The following CR1 variants were observed in gnomAD, a reference collection of about 807,000 sequenced individuals.
The protein encoded by CR1 is complement C3b/C4b receptor 1 (Knops blood group).
In CR1, 116 loss-of-function variants were observed where a neutral mutation model predicts 187.3. That is an observed-to-expected ratio of 0.62 (90% CI 0.53 to 0.72). The LOEUF is 0.72. Ranked by LOEUF, CR1 falls within the 30% of genes least tolerant of loss-of-function variation. The probability of loss-of-function intolerance (pLI) is 0.00; values close to 1 mark genes in which losing one functional copy is unlikely to be tolerated. For synonymous variants in CR1, 576 were observed against 747.1 expected (o/e 0.77, Z 3.73); for missense variants, 1,731 against 2,110.7 (o/e 0.82, Z 3.52).
chr1:207,504,964 T>C (rs375166212), intron 1 of CR1, among the ~76,000 whole-genome samples: 8 of 152,232 alleles, frequency 5.3e-5, no homozygotes, highest in African/African-American at 1.7e-4. Context: ...AGAAACCCTA[T>C]TGTGAACTGT....
At chr1:207,597,097 C>T (rs984581518) in intron 35 of CR1, among the ~76,000 whole-genome samples, 6 of 147,800 alleles carry the variant, frequency 4.1e-5, no homozygotes, top group Non-Finnish European at 7.4e-5. Flanking sequence ...TTAAATATAA[C>T]ATATTTTATA....
At chr1:207,609,229 C>T (rs1661836936) in intron 36 of CR1, 61 bp from the exon 37 acceptor site, 2 of 1,375,668 alleles carry the variant, frequency 1.5e-6, no homozygotes, top group South Asian at 1.5e-5. Context: ...TATTTAAATT[C>T]ATAGTAAAAT....
intron 17 of CR1, 125 bp from the exon 18 acceptor site, chr1:207,551,838 GT>G: frequency 0.031 from 1 of 32 alleles, no homozygotes; most frequent in Non-Finnish European, 0.05. Flanking sequence ...TTACAGGGAA[GT>G]TTTTTTTTTT....
intron 42 of CR1, 141 bp downstream of exon 42, chr1:207,618,388 A>G (rs1662211983): frequency 2.6e-6 from 2 of 756,454 alleles, no homozygotes; most frequent in Non-Finnish European, 2.1e-6. Context: ...TTTCATTTAC[A>G]TAAAATTATT....
At chr1:207,591,966 CA>C (rs1167101304) in intron 35 of CR1, among the ~76,000 whole-genome samples, 1 of 151,950 alleles carries the variant, frequency 6.6e-6, no homozygotes, top group Non-Finnish European at 1.5e-5. Flanking sequence ...GCCTACCAAC[CA>C]AAAAAAGCCC....
chr1:207,504,169 G>C, intron 1 of CR1, among the ~76,000 whole-genome samples: 1 of 152,094 alleles, frequency 6.6e-6, no homozygotes, highest in South Asian at 2.1e-4. Context: ...TGAGGTTTTG[G>C]GTATCGGCTA....
At chr1:207,639,009 AACC>A (rs1662900664) in intron 46 of CR1, among the ~76,000 whole-genome samples, 1 of 152,170 alleles carries the variant, frequency 6.6e-6, no homozygotes, top group African/African-American at 2.4e-5. Context: ...TGTCCCTGAA[AACC>A]CTGAGGAACA....
Position 207,523,712 on chromosome 1 carries a change from C to G in CR1, c.589C>G (p.Pro197Ala). The G allele has an allele frequency of 6.2e-7, 1 of 1,613,294 alleles. No homozygotes were observed. Among genetic ancestry groups the G allele is most frequent in the South Asian group, 1.1e-5 (1 of 91,042 alleles). ...ATCAGTGGTGACCTACCGCTGCAATCCTGGAAGCGGAGGGAGAAAGGTGTT... is the reference window on the plus strand; with the variant it reads ...ATCAGTGGTGACCTACCGCTGCAATGCTGGAAGCGGAGGGAGAAAGGTGTT... ...YGSVVTYRCN[P>A]GSGGRKVFEL... Residue 197 changes from proline (P) to alanine (A), a missense_variant, in exon 5 of 47, where the codon CCT (proline) becomes GCT (alanine). By Grantham distance (27) the Pro-to-Ala change is conservative (BLOSUM62 -1). Around this residue, in one of 5 missense-constraint regions of CR1, gnomAD observed 131 missense variants for 196.8 expected, o/e 0.67. Coordinates refer to ENST00000367049, the MANE Select transcript of CR1 (RefSeq NM_000651.6).
At chr1:207,582,660 G>A (rs981959425) in intron 32 of CR1, among the ~76,000 whole-genome samples, 7 of 152,328 alleles carry the variant, frequency 4.6e-5, no homozygotes, top group Admixed American at 1.3e-4. Flanking sequence ...GGCTGTTGCA[G>A]CAATCTAATC....
At chr1:207,526,584 G>A (rs1210497927) in intron 5 of CR1, among the ~76,000 whole-genome samples, 169 bp from the exon 6 acceptor site, 1 of 151,100 alleles carries the variant, frequency 6.6e-6, no homozygotes, top group Non-Finnish European at 1.5e-5. Flanking sequence ...TATGACTGAT[G>A]GCAAGACATC....
At chr1:207,518,419 C>T (rs546979237) in intron 4 of CR1, among the ~76,000 whole-genome samples, 62 of 151,990 alleles carry the variant, frequency 4.1e-4, no homozygotes, top group African/African-American at 1.4e-3. Context: ...TCTTTTTTTC[C>T]CCCTCCACTT....
intron 43 of CR1, among the ~76,000 whole-genome samples, chr1:207,621,224 G>A (rs1170781650): frequency 6.6e-6 from 1 of 152,044 alleles, no homozygotes; most frequent in Non-Finnish European, 1.5e-5. Flanking sequence ...ACAGTGAGCC[G>A]AGATCGCTCC....
chr1:207,617,540 T>TGTGTGTA (rs1662155062), intron 41 of CR1, among the ~76,000 whole-genome samples: 9 of 101,600 alleles, frequency 8.9e-5, no homozygotes, highest in Non-Finnish European at 1.8e-4. Flanking sequence ...TGTGTGTGTA[T>TGTGTGTA]GTGTGTATAT....
Position 207,641,294 on chromosome 1 carries a change from T to C in CR1, c.*1885T>C, listed in dbSNP as rs1662978339. 6.6e-6 allele frequency: 1 copy of C among 151,974 alleles called. No homozygotes were observed. Among genetic ancestry groups the C allele is most frequent in the Admixed American group, 6.6e-5 (1 of 15,264 alleles). The allele number at this position is 151,974 out of a possible 1,614,324, so 9.4% of individuals were successfully genotyped here. ...CCTGTGTTCTTTTTTTTTTCCAGAA[T>C]GGAGTAGGTCAGTGAGCAATGTGAT... On this transcript the variant is annotated 3_prime_UTR_variant, in exon 47 of 47. Coordinates refer to ENST00000367049, the MANE Select transcript of CR1 (RefSeq NM_000651.6).
intron 46 of CR1, 85 bp from the exon 47 acceptor site, chr1:207,639,312 A>T: frequency 7.7e-7 from 1 of 1,293,596 alleles, no homozygotes; most frequent in Non-Finnish European, 1.1e-6. Context: ...TTTAGAAAAT[A>T]TCCAAAGCTT....
At chr1:207,524,857 G>A (rs892101184) in intron 5 of CR1, among the ~76,000 whole-genome samples, 3 of 151,712 alleles carry the variant, frequency 2.0e-5, no homozygotes, top group Non-Finnish European at 4.4e-5. Flanking sequence ...AAGGAGGGAG[G>A]GATTTCATGC....
chr1:207,499,639 A>G (rs1659203715), intron 1 of CR1, among the ~76,000 whole-genome samples: 1 of 152,214 alleles, frequency 6.6e-6, no homozygotes, highest in African/African-American at 2.4e-5. Context: ...ATAAAATAGT[A>G]CACGAATTAA....
chr1:207,523,101 C>G (rs1298627364), intron 4 of CR1, among the ~76,000 whole-genome samples: 1 of 152,076 alleles, frequency 6.6e-6, no homozygotes, highest in Non-Finnish European at 1.5e-5. Flanking sequence ...TTTAGATTTT[C>G]AAAATATTTA....
rs1662977338 is a variant in CR1 at position 207,641,283 on chromosome 1, T to TA, written c.*1874_*1875insA. On this transcript the variant is annotated 3_prime_UTR_variant, in exon 47 of 47. Coordinates refer to ENST00000367049, the MANE Select transcript of CR1 (RefSeq NM_000651.6). ...GAAAAAAAAATCCTGTGTTCTTTTT[T>TA]TTTTCCAGAATGGAGTAGGTCAGTG... 1 of 152,160 alleles carries TA rather than the reference T, an allele frequency of 6.6e-6. No homozygotes were observed. The highest frequency in any genetic ancestry group is 2.1e-4 in the South Asian group (1 of 4,826). The allele number at this position is 152,160 out of a possible 1,614,324, so 9.4% of individuals were successfully genotyped here. A position where few individuals can be genotyped will look rare whatever the true frequency, so the allele number is the denominator to read the frequency against.
Sources: gnomAD v4.1 joint callset for allele counts (sites outside exome capture counted in the v4.1 genomes callset) on GRCh38, gnomAD v4.1.1 for gene constraint, gnomAD v4.1.1 regional missense constraint, MANE v1.5 for transcripts, NCBI Gene and HGNC (gene_info 2026-07-23, HGNC 2026-07-21) for gene names.